The following KIFC3 variants were observed in gnomAD, a reference collection of about 807,000 sequenced individuals.
KIFC3 encodes kinesin family member C3.
In KIFC3, 60 loss-of-function variants were observed where a neutral mutation model predicts 101.8. The ratio of observed to expected loss-of-function variants is 0.59; its 90% CI spans 0.48 to 0.73. The LOEUF (loss-of-function observed/expected upper bound fraction) is 0.73. Ranked by LOEUF, KIFC3 falls within the 30% of genes least tolerant of loss-of-function variation. The pLI is 0.00. For synonymous variants in KIFC3, 476 were observed against 482.7 expected (o/e 0.99, Z 0.18); for missense variants, 966 against 1,137.1 (o/e 0.85, Z 2.16).
intron 11 of KIFC3, chr16:57,764,503 TCTCA>T (rs1555600939): frequency 2.0e-6 from 1 of 488,860 alleles, no homozygotes; most frequent in African/African-American, 1.9e-5. Flanking sequence ...TCCTGCTCTC[TCTCA>T]AAGAGTGCTC....
Position 57,794,907 on chromosome 16 carries a change from G to A in KIFC3, c.315+92C>T, listed in dbSNP as rs1194036499. The A allele has an allele frequency of 4.0e-6, 5 of 1,257,676 alleles. No homozygotes were observed. The African/African-American group carries it at 7.9e-5, about 20-fold the overall frequency. 77.9% of individuals were successfully genotyped at this position (1,257,676 alleles called of 1,614,324 possible). On this transcript the variant is annotated intron_variant, in intron 3 of 19. Transcript: ENST00000445690. ...CGAGGTGGGTCCCCGGCTCTCCCCAGGTGCTTCCTACCCCCAGAAGCCTGG... is the reference window on the plus strand; with the variant it reads ...CGAGGTGGGTCCCCGGCTCTCCCCAAGTGCTTCCTACCCCCAGAAGCCTGG...
At chr16:57,786,527 G>T (rs2149123067) in intron 3 of KIFC3, among the ~76,000 whole-genome samples, 1 of 152,172 alleles carries the variant, frequency 6.6e-6, no homozygotes, top group African/African-American at 2.4e-5. Context: ...AGAATGGGGG[G>T]CTAGGGAGGA....
At chr16:57,856,930 T>G (rs1053903005) in intron 1 of KIFC3, among the ~76,000 whole-genome samples, 3 of 152,236 alleles carry the variant, frequency 2.0e-5, no homozygotes, top group African/African-American at 7.2e-5. Flanking sequence ...TAGGTCCAGA[T>G]GGTTTTACTG....
intron 1 of KIFC3, among the ~76,000 whole-genome samples, chr16:57,853,701 C>T (rs908209439): frequency 1.6e-4 from 25 of 152,026 alleles, no homozygotes; most frequent in South Asian, 4.1e-4. Flanking sequence ...GCACAATCTC[C>T]GCTCACTGCA....
rs1555607142 is a variant in KIFC3 at position 57,770,586 on chromosome 16, T to C, written c.880A>G (p.Lys294Glu). 1.3e-6 allele frequency: 2 copies of C among 1,524,452 alleles called. No homozygotes were observed. 94.4% of individuals were successfully genotyped at this position (1,524,452 alleles called of 1,614,324 possible). A position where few individuals can be genotyped will look rare whatever the true frequency, so the allele number is the denominator to read the frequency against. ...CTCTGCAGCTGCTGTTCCATCTCCT[T>C]CAGCACCTGCCTCTGCATAGCCACC... is the stretch of plus-strand genomic sequence containing the variant. ...EQVAMQRQVL[K>E]EMEQQLQSSH... Residue 294 changes from lysine to glutamate, a missense_variant, in exon 7 of 20, where the codon AAG (lysine) becomes GAG (glutamate). Around this residue, in one of 2 missense-constraint regions of KIFC3, gnomAD observed 689 missense variants for 884.6 expected, o/e 0.78. Transcript: ENST00000445690.
Position 57,758,543 on chromosome 16 carries a change from A to C in KIFC3, c.*391T>G. The C allele has an allele frequency of 3.4e-6, 2 of 590,116 alleles. No homozygotes were observed. Among genetic ancestry groups the C allele is most frequent in the Non-Finnish European group, 6.4e-6 (2 of 314,802 alleles). The allele number at this position is 590,116 out of a possible 1,614,324, so 36.6% of individuals were successfully genotyped here. ...CCCAGAGGCTCCTCGCCCACCCCCT[A>C]AGGAGGGGGCTGGCCAGCTCTGCAA... is the stretch of plus-strand genomic sequence containing the variant. On this transcript the variant is annotated 3_prime_UTR_variant, in exon 20 of 20. Coordinates refer to ENST00000445690, the MANE Select transcript of KIFC3 (RefSeq NM_001130100.2).
intron 1 of KIFC3, among the ~76,000 whole-genome samples, chr16:57,850,465 G>GTTTTTTTTTTTTTT (rs373157438): frequency 1.1e-4 from 9 of 84,080 alleles, no homozygotes; most frequent in African/African-American, 1.5e-4. Context: ...TTTAAAAAGG[G>GTTTTTTTTTTTTTT]TTTTTTTTTT....
At chr16:57,768,891 T>G (rs1193880390) in intron 9 of KIFC3, among the ~76,000 whole-genome samples, 2 of 152,086 alleles carry the variant, frequency 1.3e-5, no homozygotes, top group Non-Finnish European at 2.9e-5. Context: ...TATCGGCCAG[T>G]CATGGTGGCT....
intron 1 of KIFC3, among the ~76,000 whole-genome samples, chr16:57,808,895 G>A (rs2055005081): frequency 6.6e-6 from 1 of 152,194 alleles, no homozygotes; most frequent in Admixed American, 6.5e-5. Context: ...AGCACCCTCA[G>A]CCCAGCATCT....
chr16:57,856,561 GAAAGA>G (rs375324388), intron 1 of KIFC3, among the ~76,000 whole-genome samples: 97 of 151,852 alleles, frequency 6.4e-4, no homozygotes, highest in African/African-American at 2.2e-3. Context: ...AAAAAAGAAA[GAAAGA>G]AAAGAAAAGT....
intron 1 of KIFC3, among the ~76,000 whole-genome samples, chr16:57,836,718 G>T (rs567245331): frequency 1.8e-4 from 28 of 152,072 alleles, no homozygotes; most frequent in African/African-American, 6.3e-4. Flanking sequence ...TTGAGACAGG[G>T]TCTTGCTCTG....
At chr16:57,797,947 C>T (rs1001818449) in intron 2 of KIFC3, 125 bp downstream of exon 2, 2 of 1,538,448 alleles carry the variant, frequency 1.3e-6, no homozygotes, top group Non-Finnish European at 1.8e-6. Context: ...TCTGGGCTGT[C>T]GGTTACCCTG....
At chr16:57,822,682 G>A (rs1470140053) in intron 1 of KIFC3, among the ~76,000 whole-genome samples, 7 of 152,014 alleles carry the variant, frequency 4.6e-5, no homozygotes, top group Admixed American at 1.3e-4. Context: ...GGGCGACAGA[G>A]CAAGACTCCA....
chr16:57,789,197 G>A (rs2053632573), intron 3 of KIFC3, among the ~76,000 whole-genome samples: 1 of 152,220 alleles, frequency 6.6e-6, no homozygotes, highest in South Asian at 2.1e-4. Flanking sequence ...AGGAGGCTGC[G>A]CAGGAGTCCG....
intron 3 of KIFC3, chr16:57,791,052 G>A (rs1381584152): frequency 6.8e-6 from 2 of 295,776 alleles, no homozygotes; most frequent in African/African-American, 4.5e-5. Context: ...TGGCCAGCAT[G>A]GTGAAACCCT....
In KIFC3 at chr16:57,778,152, C is replaced by T. The variant is rs556778007; in HGVS notation, c.316-5864G>A. ...AAAATTAGCTGGGCACAGTGGCACA[C>T]GCCTGTGGTCCCAGCTACTAGGGAG... On this transcript the variant is annotated intron_variant, in intron 3 of 19. Coordinates refer to ENST00000445690, the MANE Select transcript of KIFC3 (RefSeq NM_001130100.2). Among the ~76,000 whole-genome samples the T allele has an allele frequency of 1.5e-3, 231 of 152,246 alleles. No homozygotes were observed. The South Asian group carries it at 0.017, about 11-fold the overall frequency.
chr16:57,772,014 C>T (rs112388753), intron 4 of KIFC3, among the ~76,000 whole-genome samples: 3 of 152,240 alleles, frequency 2.0e-5, no homozygotes, highest in African/African-American at 7.2e-5. Context: ...CGTTTAATGT[C>T]AGCAACAGAG....
chr16:57,853,659 T>C lies in KIFC3; in HGVS notation c.108+9070A>G, dbSNP rs113822240. Among the ~76,000 whole-genome samples, 979 of 152,272 alleles carry C rather than the reference T, an allele frequency of 6.4e-3. 12 individuals carry two copies. The highest frequency in any genetic ancestry group is 0.022 in the African/African-American group (926 of 41,562). On this transcript the variant is annotated intron_variant, in intron 1 of 2. Transcript: ENST00000563028. ...TTATTTATTTATTTTTGAGACAAAG[T>C]CTCGCTCTGTCACCCTGGTTGGAGT...
chr16:57,852,464 T>C (rs1477524164), intron 1 of KIFC3, among the ~76,000 whole-genome samples: 1 of 152,188 alleles, frequency 6.6e-6, no homozygotes, highest in African/African-American at 2.4e-5. Flanking sequence ...GAGTTTCACA[T>C]CATCCCTGGG....
Sources: gnomAD v4.1 joint callset for allele counts (sites outside exome capture counted in the v4.1 genomes callset) on GRCh38, gnomAD v4.1.1 for gene constraint, gnomAD v4.1.1 regional missense constraint, MANE v1.5 for transcripts, NCBI Gene and HGNC (gene_info 2026-07-23, HGNC 2026-07-21) for gene names.